The following NTRK2 variants were observed in gnomAD, a reference collection of about 807,000 sequenced individuals.
The protein encoded by NTRK2 is BDNF/NT-3 growth factors receptor.
Under a neutral mutation model 94.5 loss-of-function variants are expected in NTRK2, and 13 were observed. The ratio of observed to expected loss-of-function variants is 0.14; its 90% CI spans 0.09 to 0.22. The LOEUF is 0.22. Ranked by LOEUF, NTRK2 falls within the 10% of genes least tolerant of loss-of-function variation. The pLI is 1.00. For synonymous variants in NTRK2, 372 were observed against 407.4 expected, an observed-to-expected ratio of 0.91 and a Z score of 1.05; for missense variants, 639 against 1,071.2, an observed-to-expected ratio of 0.60 and a Z score of 5.63.
In NTRK2 at chr9:84,906,402, G is replaced by A. The variant is rs74947813; in HGVS notation, c.1634-27760G>A. The stretch of plus-strand genomic sequence containing the variant: ...AGAGAAAAAGTGTATTTGCCAGATT[G>A]AGCCCAGTAGTGACCTTGCAGAGCA... On this transcript the variant is annotated intron_variant, in intron 14 of 18. Coordinates refer to ENST00000277120, the MANE Select transcript of NTRK2 (RefSeq NM_006180.6). 9.0e-3 allele frequency among the ~76,000 whole-genome samples: 1,378 copies of A among 152,304 alleles called. 8 individuals are homozygous for A. Among genetic ancestry groups the A allele is most frequent in the Middle Eastern group, 0.037 (11 of 294 alleles).
chr9:84,874,558 T>A (rs2075996833), intron 14 of NTRK2: 2 of 1,064,392 alleles, frequency 1.9e-6, no homozygotes, highest in Admixed American at 5.4e-5. Context: ...TTAGTTTTTC[T>A]TGATTGTTCT....
At chr9:84,701,910 G>A (rs1364086521) in intron 2 of NTRK2, among the ~76,000 whole-genome samples, 3 of 152,178 alleles carry the variant, frequency 2.0e-5, no homozygotes, top group African/African-American at 4.8e-5. Context: ...AAATTGTTGG[G>A]TGAAAGAGTG....
At chr9:84,772,158 T>A (rs1564236180) in intron 12 of NTRK2, among the ~76,000 whole-genome samples, 1 of 152,192 alleles carries the variant, frequency 6.6e-6, no homozygotes, top group Admixed American at 6.5e-5. Flanking sequence ...TATTTGGTGT[T>A]CCATAAAGTT....
chr9:85,015,820 G>A (rs1423369432), intron 17 of NTRK2, among the ~76,000 whole-genome samples: 1 of 152,192 alleles, frequency 6.6e-6, no homozygotes, highest in African/African-American at 2.4e-5. Flanking sequence ...AGAGGCATGA[G>A]TAACTTGGCC....
chr9:84,740,996 A>G (rs1347595777), intron 9 of NTRK2, among the ~76,000 whole-genome samples: 2 of 152,220 alleles, frequency 1.3e-5, no homozygotes, highest in African/African-American at 4.8e-5. Context: ...AGCATAGGAA[A>G]TAGCTTTGGA....
chr9:84,806,295 G>T (rs2071104222), intron 12 of NTRK2, among the ~76,000 whole-genome samples: 1 of 152,230 alleles, frequency 6.6e-6, no homozygotes, highest in South Asian at 2.1e-4. Context: ...GTAGGTACTT[G>T]CAGGAGAAGG....
chr9:84,919,177 GC>G (rs1415665240), intron 14 of NTRK2, among the ~76,000 whole-genome samples: 1 of 151,986 alleles, frequency 6.6e-6, no homozygotes, highest in Non-Finnish European at 1.5e-5. Context: ...TTGCCTCTCT[GC>G]CCATTCAGAT....
At chr9:84,860,332 G>A (rs560071079) in intron 12 of NTRK2, among the ~76,000 whole-genome samples, 14 of 152,266 alleles carry the variant, frequency 9.2e-5, no homozygotes, top group Non-Finnish European at 1.6e-4. Context: ...CTCTCCAGAC[G>A]TTTGGCAGGT....
At chr9:84,796,565 TAGAC>T (rs1179714578) in intron 12 of NTRK2, among the ~76,000 whole-genome samples, 6 of 152,226 alleles carry the variant, frequency 3.9e-5, no homozygotes, top group African/African-American at 4.8e-5. Context: ...CAGAGGTCCT[TAGAC>T]AGAGAGCAGT....
At chr9:84,781,402 C>T (rs1481160224) in intron 12 of NTRK2, among the ~76,000 whole-genome samples, 1 of 149,814 alleles carries the variant, frequency 6.7e-6, no homozygotes, top group Non-Finnish European at 1.5e-5. Context: ...GTATATCATA[C>T]TTTTCAGATC....
intron 12 of NTRK2, among the ~76,000 whole-genome samples, chr9:84,790,691 G>T (rs1187971314): frequency 6.6e-6 from 1 of 152,202 alleles, no homozygotes; most frequent in Non-Finnish European, 1.5e-5. Context: ...ATGGTTTTAA[G>T]TGTGGGGCAG....
intron 14 of NTRK2, among the ~76,000 whole-genome samples, chr9:84,902,158 TG>T (rs929996370): frequency 6.0e-5 from 9 of 150,646 alleles, no homozygotes; most frequent in African/African-American, 2.2e-4. Flanking sequence ...ATCATGCTAC[TG>T]CATTCCAGCC....
chr9:84,929,875 T>C (rs563734780), intron 14 of NTRK2, among the ~76,000 whole-genome samples: 1 of 152,352 alleles, frequency 6.6e-6, no homozygotes, highest in South Asian at 2.1e-4. Context: ...TATTTATTTC[T>C]TATTACAGTT....
chr9:84,710,594 T>C, intron 5 of NTRK2, 43 bp from the exon 6 acceptor site: 1 of 1,611,006 alleles, frequency 6.2e-7, no homozygotes, highest in Non-Finnish European at 8.5e-7. Flanking sequence ...GTAGCTAAAA[T>C]GGAAAAAGGA....
intron 17 of NTRK2, among the ~76,000 whole-genome samples, chr9:85,018,788 C>T (rs1213268994): frequency 6.6e-6 from 1 of 152,122 alleles, no homozygotes; most frequent in African/African-American, 2.4e-5. Flanking sequence ...TCAAGTAAGA[C>T]CATAAGAGAA....
intron 5 of NTRK2, among the ~76,000 whole-genome samples, chr9:84,708,990 A>T (rs906132380): frequency 3.9e-5 from 6 of 152,264 alleles, no homozygotes; most frequent in Non-Finnish European, 8.8e-5. Context: ...CTGGATTAAA[A>T]ATTAGAGTTT....
At chr9:84,974,859 A>G (rs1826622152) in intron 17 of NTRK2, among the ~76,000 whole-genome samples, 1 of 151,986 alleles carries the variant, frequency 6.6e-6, no homozygotes, top group Middle Eastern at 3.4e-3. Context: ...GCTGTTTGGG[A>G]GTTAAGGGGA....
chr9:84,882,286 A>G (rs895915348), intron 14 of NTRK2, among the ~76,000 whole-genome samples: 4 of 152,188 alleles, frequency 2.6e-5, no homozygotes, highest in Non-Finnish European at 5.9e-5. Context: ...GGTATCTGCA[A>G]CTTTCTCATT....
chr9:84,924,287 GA>G (rs1443775220), intron 14 of NTRK2, among the ~76,000 whole-genome samples: 1 of 144,944 alleles, frequency 6.9e-6, no homozygotes, highest in African/African-American at 2.6e-5. Context: ...AAGAAAGAAA[GA>G]AAGAAAGAGG....
Sources: allele counts gnomAD v4.1 joint callset (sites outside exome capture counted in the v4.1 genomes callset), GRCh38; gene constraint gnomAD v4.1.1; transcripts MANE v1.5; gene names NCBI Gene and HGNC (gene_info 2026-07-23, HGNC 2026-07-21).